The following MACROD2 variants were observed in gnomAD, a reference collection of about 807,000 sequenced individuals.
The protein encoded by MACROD2 is ADP-ribose glycohydrolase MACROD2.
Under a neutral mutation model 70.4 loss-of-function variants are expected in MACROD2, and 36 were observed. The observed-to-expected ratio is 0.51, with a 90% CI of 0.39 to 0.68. MACROD2 has a LOEUF of 0.68. Among genes scored for constraint, MACROD2 ranks in the 30% least tolerant of loss-of-function variants. The pLI is 0.00. For synonymous variants in MACROD2, 172 were observed against 178.8 expected (o/e 0.96, Z 0.30); for missense variants, 496 against 538.4 (o/e 0.92, Z 0.78).
At chr20:15,202,041 C>G (rs755957402) in intron 5 of MACROD2, among the ~76,000 whole-genome samples, 27 of 152,138 alleles carry the variant, frequency 1.8e-4, no homozygotes, top group Non-Finnish European at 3.8e-4. Flanking sequence ...GAACTGATAC[C>G]TGAACCTGAA....
chr20:14,056,225 T>G (rs2053629588), intron 2 of MACROD2, among the ~76,000 whole-genome samples: 1 of 152,106 alleles, frequency 6.6e-6, no homozygotes, highest in South Asian at 2.1e-4. Context: ...AGAATTTTCT[T>G]ATGATATTTG....
chr20:15,286,055 GA>G (rs940673665), intron 6 of MACROD2, among the ~76,000 whole-genome samples: 7 of 149,764 alleles, frequency 4.7e-5, no homozygotes, highest in East Asian at 2.0e-4. Flanking sequence ...TTCTTGCTTG[GA>G]AAAAAAAATG....
chr20:15,407,902 A>G (rs2046025680), intron 6 of MACROD2, among the ~76,000 whole-genome samples: 1 of 152,184 alleles, frequency 6.6e-6, no homozygotes, highest in African/African-American at 2.4e-5. Flanking sequence ...CTGAGGATCA[A>G]AGAGACATGG....
At chr20:15,585,421 C>T (rs1394604885) in intron 8 of MACROD2, among the ~76,000 whole-genome samples, 2 of 152,074 alleles carry the variant, frequency 1.3e-5, no homozygotes, top group Non-Finnish European at 2.9e-5. Flanking sequence ...TGGTCTCGAG[C>T]TCCTGACCTC....
intron 6 of MACROD2, among the ~76,000 whole-genome samples, chr20:15,398,598 AAC>A (rs1430010254): frequency 6.6e-6 from 1 of 152,182 alleles, no homozygotes; most frequent in Non-Finnish European, 1.5e-5. Context: ...ACCTGTAAAC[AAC>A]AGTTTTCTCA....
At chr20:14,920,094 G>A (rs1242663405) in intron 5 of MACROD2, among the ~76,000 whole-genome samples, 1 of 152,154 alleles carries the variant, frequency 6.6e-6, no homozygotes, top group Non-Finnish European at 1.5e-5. Flanking sequence ...TCCCCTTGCT[G>A]AGATAAAGTA....
chr20:15,369,543 C>A (rs556907420), intron 6 of MACROD2, among the ~76,000 whole-genome samples: 2 of 152,238 alleles, frequency 1.3e-5, no homozygotes, highest in Admixed American at 6.5e-5. Context: ...GCATCTCTTA[C>A]CCTGTATGTT....
intron 8 of MACROD2, among the ~76,000 whole-genome samples, chr20:15,606,022 T>C (rs1320131917): frequency 1.3e-5 from 2 of 152,362 alleles, no homozygotes; most frequent in East Asian, 1.9e-4. Context: ...CTTGTCAACC[T>C]GTCTCTCCCC....
chr20:15,847,276 T>G (rs752367515), intron 8 of MACROD2, among the ~76,000 whole-genome samples: 21 of 152,034 alleles, frequency 1.4e-4, no homozygotes, highest in Non-Finnish European at 2.1e-4. Flanking sequence ...TGGTTTAGAG[T>G]GGACTTTCGG....
At chr20:14,125,348 T>C (rs886748595) in intron 3 of MACROD2, among the ~76,000 whole-genome samples, 13 of 152,180 alleles carry the variant, frequency 8.5e-5, no homozygotes, top group African/African-American at 3.1e-4. Flanking sequence ...TCACAGAATT[T>C]AGAGTGAAAT....
chr20:15,107,428 G>A (rs6043095), intron 5 of MACROD2, among the ~76,000 whole-genome samples: 7 of 151,730 alleles, frequency 4.6e-5, no homozygotes, highest in African/African-American at 1.7e-4. Context: ...GTTTGCAAAA[G>A]GATATTGAGA....
In MACROD2 at chr20:15,088,437, ATATATATATATAT is replaced by A. The variant is rs1568567402; in HGVS notation, c.419-141502_419-141490del. 2.3e-3 allele frequency among the ~76,000 whole-genome samples: 73 copies of A among 31,070 alleles called. 1 individual carries two copies. The highest frequency in any genetic ancestry group is 4.6e-3 in the Non-Finnish European group (50 of 10,798). The allele number at this position is 31,070 out of a possible 152,430, so 20.4% of individuals were successfully genotyped here. ...TATATATATATATATATATATATAT[ATATATATATATAT>A]AATATTTTGTGTGTGTGTGTGTGTT... On this transcript the variant is annotated intron_variant, in intron 5 of 17. Coordinates refer to ENST00000684519, the MANE Select transcript of MACROD2 (RefSeq NM_001351661.2).
At chr20:14,551,661 G>T (rs1568666358) in intron 4 of MACROD2, among the ~76,000 whole-genome samples, 1 of 152,158 alleles carries the variant, frequency 6.6e-6, no homozygotes, top group African/African-American at 2.4e-5. Context: ...TTTTGTGGTG[G>T]ATTACTGTTG....
intron 3 of MACROD2, among the ~76,000 whole-genome samples, chr20:14,471,160 C>G (rs2084526123): frequency 6.6e-6 from 1 of 152,154 alleles, no homozygotes; most frequent in East Asian, 1.9e-4. Context: ...CTGTGGGCTT[C>G]CCTTGGCTAG....
rs2077000989 is a variant in MACROD2 at position 15,234,967 on chromosome 20, CTTT to C, written c.540+4908_540+4910del. Among the ~76,000 whole-genome samples, 6 of 152,142 alleles carry C rather than the reference CTTT, an allele frequency of 3.9e-5. No homozygotes were observed. The South Asian group carries it at 1.0e-3, about 26-fold the overall frequency. ...GTTTATCCTGACTTCTGTTTCCCTT[CTTT>C]TAACATCATGTTCATTTTTAAAAAA... On this transcript the variant is annotated intron_variant, in intron 6 of 17. Coordinates refer to ENST00000684519, the MANE Select transcript of MACROD2 (RefSeq NM_001351661.2).
intron 4 of MACROD2, among the ~76,000 whole-genome samples, chr20:14,610,292 G>C (rs1015334614): frequency 1.3e-5 from 2 of 152,062 alleles, no homozygotes; most frequent in Admixed American, 6.6e-5. Flanking sequence ...TTGACCTTCT[G>C]TAATGTGTTG....
At chr20:15,947,674 GCTTGCACATAGTAGGTC>G (rs773296802) in intron 12 of MACROD2, among the ~76,000 whole-genome samples, 1 of 152,130 alleles carries the variant, frequency 6.6e-6, no homozygotes, top group African/African-American at 2.4e-5. Context: ...CAACACAGTG[GCTTGCACATAGTAGGTC>G]CTCATATTTG....
At chr20:14,617,780 T>G (rs2123443802) in intron 4 of MACROD2, among the ~76,000 whole-genome samples, 1 of 152,276 alleles carries the variant, frequency 6.6e-6, no homozygotes, top group East Asian at 1.9e-4. Flanking sequence ...ATTTGAATTC[T>G]GCTTGTTACC....
intron 4 of MACROD2, among the ~76,000 whole-genome samples, chr20:14,540,650 C>A (rs373540587): frequency 1.2e-4 from 18 of 152,088 alleles, no homozygotes; most frequent in African/African-American, 4.3e-4. Context: ...TGATGGGTGA[C>A]AAAAGACAGG....
Sources: allele counts gnomAD v4.1 joint callset (sites outside exome capture counted in the v4.1 genomes callset), GRCh38; gene constraint gnomAD v4.1.1; transcripts MANE v1.5; gene names NCBI Gene and HGNC (gene_info 2026-07-23, HGNC 2026-07-21).